CPEB3: variants seen among roughly 807,000 people sequenced by gnomAD.
CPEB3 encodes the protein cytoplasmic polyadenylation element binding protein 3.
A neutral mutation model predicts 67.2 loss-of-function variants in CPEB3; 20 were observed. The observed-to-expected ratio is 0.30, with a 90% CI of 0.21 to 0.43. The LOEUF (loss-of-function observed/expected upper bound fraction) is 0.43. CPEB3 is among the 20% of genes least tolerant of loss of function. The pLI is 1.00. For synonymous variants in CPEB3, 376 were observed against 393.1 expected, an observed-to-expected ratio of 0.96 and a Z score of 0.51; for missense variants, 746 against 968.6, an observed-to-expected ratio of 0.77 and a Z score of 3.05.
chr10:92,126,458 G>C (rs1399179318), intron 6 of CPEB3, among the ~76,000 whole-genome samples: 2 of 152,114 alleles, frequency 1.3e-5, no homozygotes, highest in African/African-American at 2.4e-5. Context: ...ATGGCTAAAG[G>C]GCAGCTCAGA....
chr10:92,227,209 T>C (rs1386665328), intron 2 of CPEB3, among the ~76,000 whole-genome samples: 1 of 152,220 alleles, frequency 6.6e-6, no homozygotes, highest in African/African-American at 2.4e-5. Flanking sequence ...GAGTTCTTAC[T>C]ACCAGTTAGG....
rs966749464 is a variant in CPEB3, at chr10:92,096,113, G to T, written c.1573-4169C>A. On this transcript the variant is annotated intron_variant, in intron 7 of 9. Transcript: ENST00000265997. ...GCTGGTCTCAAACTTGACCTCAGGT[G>T]ATCTACCTGCCTCGGCCTCCCAAAG... is the stretch of plus-strand genomic sequence containing the variant. Among the ~76,000 whole-genome samples, 4 of 149,414 alleles carry T rather than the reference G, an allele frequency of 2.7e-5. No individual in the cohort carries two copies. In the East Asian group the frequency reaches 7.8e-4, roughly 29 times the overall value.
At chr10:92,277,538 T>C (rs890736746) in intron 1 of CPEB3, among the ~76,000 whole-genome samples, 7 of 152,224 alleles carry the variant, frequency 4.6e-5, no homozygotes, top group Non-Finnish European at 1.0e-4. Flanking sequence ...TTGATTATTG[T>C]AGCTTAATAG....
intron 9 of CPEB3, among the ~76,000 whole-genome samples, chr10:92,080,124 G>A (rs1354270594): frequency 6.6e-6 from 1 of 150,944 alleles, no homozygotes; most frequent in East Asian, 2.0e-4. Context: ...GGAGAATGGC[G>A]TGAACCCGGG....
chr10:92,173,756 C>G (rs72807247), intron 4 of CPEB3, among the ~76,000 whole-genome samples: 17,218 of 152,174 alleles, frequency 0.11, 1,273 homozygotes, highest in Middle Eastern at 0.19. Flanking sequence ...CTCTTAGGTC[C>G]CTTACCATGT....
intron 9 of CPEB3, among the ~76,000 whole-genome samples, chr10:92,058,295 C>T (rs556843364): frequency 6.6e-6 from 1 of 152,246 alleles, no homozygotes; most frequent in South Asian, 2.1e-4. Context: ...CCTGTAATAC[C>T]TGCACTTTGG....
At chr10:92,075,138 C>T (rs1842887800) in intron 9 of CPEB3, among the ~76,000 whole-genome samples, 2 of 152,166 alleles carry the variant, frequency 1.3e-5, no homozygotes, top group African/African-American at 2.4e-5. Flanking sequence ...CACAGCAAAA[C>T]GTTGCTGATG....
intron 9 of CPEB3, among the ~76,000 whole-genome samples, chr10:92,073,162 C>T (rs779999613): frequency 3.3e-5 from 5 of 150,816 alleles, no homozygotes; most frequent in Admixed American, 6.6e-5. Context: ...CCCAGTCTCC[C>T]GGGTAGCTGT....
intron 1 of CPEB3, among the ~76,000 whole-genome samples, chr10:92,259,918 C>T (rs1057181163): frequency 2.0e-5 from 3 of 152,122 alleles, no homozygotes; most frequent in Non-Finnish European, 4.4e-5. Flanking sequence ...TCCCTAGTTG[C>T]AGATGACAAA....
chr10:92,279,183 G>C lies in CPEB3; in HGVS notation c.-12+11743C>G, dbSNP rs545422386. ...GATGTTGGCTACAGATTTTTTTGTA[G>C]ATGCACTTTATCAAGTTGAGGAAGT... On this transcript the variant is annotated intron_variant, in intron 1 of 9. Transcript: ENST00000265997. Among the ~76,000 whole-genome samples, 37 of 152,252 alleles carry C rather than the reference G, an allele frequency of 2.4e-4. No individual in the cohort carries two copies. In the South Asian group the frequency reaches 7.7e-3, roughly 32 times the overall value.
At chr10:92,103,905 ATT>A (rs1844311133) in intron 7 of CPEB3, among the ~76,000 whole-genome samples, 1 of 152,182 alleles carries the variant, frequency 6.6e-6, no homozygotes, top group Non-Finnish European at 1.5e-5. Context: ...TGGCATGCTG[ATT>A]ACTAAAACTC....
intron 7 of CPEB3, among the ~76,000 whole-genome samples, chr10:92,103,277 C>T (rs1000351594): frequency 6.6e-6 from 1 of 152,184 alleles, no homozygotes; most frequent in South Asian, 2.1e-4. Flanking sequence ...GATGCTGCTT[C>T]GTCACTCAGA....
At chr10:92,128,989 G>A (rs1382452377) in intron 6 of CPEB3, among the ~76,000 whole-genome samples, 3 of 152,096 alleles carry the variant, frequency 2.0e-5, no homozygotes, top group African/African-American at 4.8e-5. Context: ...CCCATTACTG[G>A]GTATATACTC....
chr10:92,092,936 A>C (rs1843683320), intron 7 of CPEB3, among the ~76,000 whole-genome samples: 1 of 152,226 alleles, frequency 6.6e-6, no homozygotes, highest in East Asian at 1.9e-4. Flanking sequence ...ATTTTTCTTA[A>C]CTGGGACTCT....
chr10:92,244,662 C>T (rs922903461), intron 1 of CPEB3, among the ~76,000 whole-genome samples: 36 of 152,026 alleles, frequency 2.4e-4, no homozygotes, highest in African/African-American at 8.5e-4. Context: ...TGGTCTCGAT[C>T]TCCTGACCTC....
At chr10:92,179,552 T>C (rs1173412071) in intron 4 of CPEB3, among the ~76,000 whole-genome samples, 3 of 152,246 alleles carry the variant, frequency 2.0e-5, no homozygotes, top group Non-Finnish European at 4.4e-5. Context: ...GTTAAGCATG[T>C]TTATTAATTC....
intron 4 of CPEB3, among the ~76,000 whole-genome samples, chr10:92,180,237 A>G (rs1848403095): frequency 6.6e-6 from 1 of 152,190 alleles, no homozygotes; most frequent in Non-Finnish European, 1.5e-5. Flanking sequence ...AAACAATTAT[A>G]CTGACAAAAC....
chr10:92,263,125 G>T (rs1852883770), intron 1 of CPEB3, among the ~76,000 whole-genome samples: 1 of 152,206 alleles, frequency 6.6e-6, no homozygotes, highest in Non-Finnish European at 1.5e-5. Flanking sequence ...GCCCAGGCTA[G>T]AATGCAATGG....
rs888115964 is a variant in CPEB3, at chr10:92,232,332, G to A, written c.1005+7014C>T. ...GGCCTCCCAAAGTGCTGGGATTACA[G>A]GCGTGAGCCACCGTGCCTGAGCAAC... is the stretch of plus-strand genomic sequence containing the variant. On this transcript the variant is annotated intron_variant, in intron 2 of 9. Coordinates refer to ENST00000265997, the MANE Select transcript of CPEB3 (RefSeq NM_014912.5). 4.6e-5 allele frequency among the ~76,000 whole-genome samples: 7 copies of A among 151,892 alleles called. No individual in the cohort carries two copies. In the East Asian group the frequency reaches 1.4e-3, roughly 30 times the overall value.
Sources: allele counts gnomAD v4.1 joint callset (sites outside exome capture counted in the v4.1 genomes callset), GRCh38; gene constraint gnomAD v4.1.1; transcripts MANE v1.5; gene names NCBI Gene and HGNC (gene_info 2026-07-23, HGNC 2026-07-21).